Variants in USP54 observed in about 807,000 individuals in gnomAD.
USP54 encodes ubiquitin carboxyl-terminal hydrolase 54.
In USP54, 87 loss-of-function variants were observed where a neutral mutation model predicts 170.5. The ratio of observed to expected loss-of-function variants is 0.51; its 90% confidence interval spans 0.43 to 0.61. The LOEUF (loss-of-function observed/expected upper bound fraction) is 0.61. USP54 is among the 20% of genes least tolerant of loss of function. The pLI is 0.00. For missense variants in USP54, 1,786 were observed against 2,047.8 expected, an observed-to-expected ratio of 0.87 and a Z score of 2.47; for synonymous variants, 655 against 742.8, an observed-to-expected ratio of 0.88 and a Z score of 1.92.
intron 1 of USP54, among the ~76,000 whole-genome samples, chr10:73,580,809 C>T (rs1297780673): frequency 6.6e-6 from 1 of 152,088 alleles, no homozygotes; most frequent in African/African-American, 2.4e-5. Context: ...CAACTCCTGA[C>T]TTCAGGTGAT....
Position 73,575,817 on chromosome 10 carries a change from T to C in USP54, c.-37A>G. On this transcript the variant is annotated 5_prime_UTR_variant, in exon 2 of 24. Transcript: ENST00000687698. ...TACCACCTTCCAAATATCATCTGTG[T>C]AGTCAAGGGACTCAGGTATCCTCCT... 1.2e-6 allele frequency: 1 copy of C among 828,812 alleles called. No individual in the cohort carries two copies. The highest frequency in any genetic ancestry group is 2.2e-5 in the South Asian group (1 of 45,016). 51.3% of individuals were successfully genotyped at this position (828,812 alleles called of 1,614,324 possible). A position where few individuals can be genotyped will look rare whatever the true frequency, so the allele number is the denominator to read the frequency against.
chr10:73,606,049 A>T (rs1005990635), intron 1 of USP54, among the ~76,000 whole-genome samples: 2 of 151,606 alleles, frequency 1.3e-5, no homozygotes, highest in African/African-American at 4.8e-5. Context: ...GTGGTGGTAC[A>T]GTCCTGTAAT....
Position 73,516,699 on chromosome 10 carries a change from C to A in USP54, c.3727G>T (p.Val1243Phe). 1 of 1,614,184 alleles carries A rather than the reference C, an allele frequency of 6.2e-7. No individual in the cohort carries two copies. Among genetic ancestry groups the A allele is most frequent in the East Asian group, 2.2e-5 (1 of 44,890 alleles). Residue 1243 changes from valine to phenylalanine, a missense_variant, in exon 20 of 24, where the codon GTT (valine) becomes TTT (phenylalanine). This residue lies in a region of USP54 where 1,418 missense variants were observed against 1,569.0 expected (regional missense o/e 0.90). Transcript: ENST00000687698. ...YQEKLSQVRD[V>F]RSKDLGSSTD... ...CTGCTGCCCAGATCCTTAGACCTAACATCTCTCACTTGGGACAGCTTCTCT... is the reference window on the plus strand; with the variant it reads ...CTGCTGCCCAGATCCTTAGACCTAAAATCTCTCACTTGGGACAGCTTCTCT...
At chr10:73,616,695 G>T (rs1007971931) in intron 1 of USP54, among the ~76,000 whole-genome samples, 4 of 149,964 alleles carry the variant, frequency 2.7e-5, no homozygotes, top group African/African-American at 1.0e-4. Context: ...CGTGGTGGCA[G>T]GTGCCTGTAA....
intron 1 of USP54, among the ~76,000 whole-genome samples, chr10:73,602,855 CAAAAAAAAA>C (rs60433926): frequency 2.4e-4 from 10 of 41,430 alleles, no homozygotes; most frequent in Admixed American, 2.8e-4. Flanking sequence ...GACTCTGTCT[CAAAAAAAAA>C]AAAAAAAAAA....
In USP54 at chr10:73,619,404, C is replaced by CT. The variant is rs201525772; in HGVS notation, c.-18+6162dup. On this transcript the variant is annotated intron_variant, in intron 1 of 22. Coordinates refer to the USP54 transcript ENST00000339859. Reference sequence around the variant, plus strand: ...CACCAAATCCTGGCTAAATTTTTCACTTTTTTTTGTAGAGACAGGGTTTCT... The same window carrying CT: ...CACCAAATCCTGGCTAAATTTTTCACTTTTTTTTTGTAGAGACAGGGTTTCT... Among the ~76,000 whole-genome samples the CT allele has an allele frequency of 4.7e-5, 7 of 148,746 alleles. 1 individual carries two copies. The highest frequency in any genetic ancestry group is 1.3e-4 in the African/African-American group (5 of 38,792).
chr10:73,601,760 C>A (rs1310309377), intron 1 of USP54, among the ~76,000 whole-genome samples: 1 of 152,210 alleles, frequency 6.6e-6, no homozygotes, highest in Non-Finnish European at 1.5e-5. Flanking sequence ...CAAAGTAAGT[C>A]TTTCCTTATA....
chr10:73,568,889 T>G (rs763767248), intron 4 of USP54, among the ~76,000 whole-genome samples: 2 of 152,210 alleles, frequency 1.3e-5, no homozygotes, highest in Non-Finnish European at 2.9e-5. Context: ...AGTCTAGCGG[T>G]TGACTTTCTT....
Position 73,575,896 on chromosome 10 carries a change from A to C in USP54, c.-116T>G. ...TTGTTCCAAACAATCTCCAAAATGTAACATGGCACAGGACTAATGCAAACA... is the reference window on the plus strand; with the variant it reads ...TTGTTCCAAACAATCTCCAAAATGTCACATGGCACAGGACTAATGCAAACA... On this transcript the variant is annotated 5_prime_UTR_variant, in exon 2 of 24. It introduces an in-frame stop codon into an upstream open reading frame of the 5' UTR. Transcript: ENST00000687698. The C allele has an allele frequency of 2.6e-6, 1 of 390,544 alleles. No individual in the cohort carries two copies. Among genetic ancestry groups the C allele is most frequent in the Non-Finnish European group, 4.5e-6 (1 of 220,042 alleles). The allele number at this position is 390,544 out of a possible 1,614,324, so 24.2% of individuals were successfully genotyped here. A position where few individuals can be genotyped will look rare whatever the true frequency, so the allele number is the denominator to read the frequency against.
At chr10:73,619,942 A>C (rs1219201811) in intron 1 of USP54, among the ~76,000 whole-genome samples, 19 of 150,638 alleles carry the variant, frequency 1.3e-4, no homozygotes, top group Admixed American at 1.2e-3. Context: ...AATGTGGTAG[A>C]GTACAAGGAA....
intron 4 of USP54, chr10:73,546,677 CTTG>C (rs1218845389): frequency 2.0e-5 from 3 of 152,086 alleles, no homozygotes; most frequent in Non-Finnish European, 4.4e-5. Context: ...CTGAATTTTA[CTTG>C]TTGTTTTTTG....
At chr10:73,622,538 G>C (rs1043223055) in intron 1 of USP54, among the ~76,000 whole-genome samples, 10 of 151,974 alleles carry the variant, frequency 6.6e-5, no homozygotes, top group Non-Finnish European at 1.3e-4. Context: ...TGGCCAGGCT[G>C]ATCTCAAACT....
At chr10:73,571,130 T>C (rs2075092890) in intron 4 of USP54, among the ~76,000 whole-genome samples, 1 of 123,914 alleles carries the variant, frequency 8.1e-6, no homozygotes, top group South Asian at 2.6e-4. Flanking sequence ...AGAGTGAGAC[T>C]TCATCCCAAA....
chr10:73,522,447 C>T (rs1284022402), intron 17 of USP54, among the ~76,000 whole-genome samples: 1 of 152,138 alleles, frequency 6.6e-6, no homozygotes, highest in Non-Finnish European at 1.5e-5. Context: ...AAATGCTGAA[C>T]CACAGTGTAT....
At chr10:73,525,696 C>T (rs1425294992) in intron 16 of USP54, among the ~76,000 whole-genome samples, 1 of 152,226 alleles carries the variant, frequency 6.6e-6, no homozygotes, top group Non-Finnish European at 1.5e-5. Flanking sequence ...TTCCACGTGT[C>T]TCTAACTATA....
intron 4 of USP54, among the ~76,000 whole-genome samples, chr10:73,552,375 T>C (rs2069643047): frequency 6.8e-6 from 1 of 148,028 alleles, no homozygotes; most frequent in Non-Finnish European, 1.5e-5. Context: ...ATCGTACCAC[T>C]GCATTCCAGC....
At chr10:73,537,653 C>T (rs1030681264) in intron 10 of USP54, 7 of 151,702 alleles carry the variant, frequency 4.6e-5, no homozygotes, top group Admixed American at 1.3e-4. Flanking sequence ...GTAGTACCCA[C>T]TGATAACTCC....
At chr10:73,546,812 C>T (rs2067948499) in intron 4 of USP54, among the ~76,000 whole-genome samples, 1 of 152,060 alleles carries the variant, frequency 6.6e-6, no homozygotes, top group South Asian at 2.1e-4. Context: ...TTATCCATTT[C>T]TTTACTGACA....
chr10:73,602,950 T>C (rs1414154128), intron 1 of USP54, among the ~76,000 whole-genome samples: 1 of 151,862 alleles, frequency 6.6e-6, no homozygotes. Context: ...TCAACAAACA[T>C]TTCTATACAC....
Sources: gnomAD v4.1 joint callset for allele counts (sites outside exome capture counted in the v4.1 genomes callset) on GRCh38, gnomAD v4.1.1 for gene constraint, gnomAD v4.1.1 regional missense constraint, MANE v1.5 for transcripts, NCBI Gene and HGNC (gene_info 2026-07-23, HGNC 2026-07-21) for gene names.